The following NEO1 variants were observed in gnomAD, a reference collection of about 807,000 sequenced individuals.
NEO1 encodes neogenin.
A neutral mutation model predicts 159.7 loss-of-function variants in NEO1; 63 were observed. That is an observed-to-expected ratio of 0.39 (90% CI 0.32 to 0.49). The LOEUF is 0.49. NEO1 is among the 20% of genes least tolerant of loss of function. The probability of loss-of-function intolerance (pLI) is 0.85; values close to 1 mark genes in which losing one functional copy is unlikely to be tolerated. For synonymous variants in NEO1, 633 were observed against 662.0 expected (o/e 0.96, Z 0.67); for missense variants, 1,615 against 1,831.0 (o/e 0.88, Z 2.15).
At chr15:73,176,866 G>C (rs1294217339) in intron 6 of NEO1, among the ~76,000 whole-genome samples, 1 of 152,014 alleles carries the variant, frequency 6.6e-6, no homozygotes, top group South Asian at 2.1e-4. Context: ...TAGCACACAT[G>C]TGTGTGCGTG....
intron 5 of NEO1, among the ~76,000 whole-genome samples, chr15:73,143,085 G>T (rs1313215086): frequency 6.6e-6 from 1 of 152,200 alleles, no homozygotes; most frequent in Non-Finnish European, 1.5e-5. Flanking sequence ...GTGACAGAAC[G>T]CATTCAGTCA....
intron 16 of NEO1, among the ~76,000 whole-genome samples, chr15:73,269,501 C>G (rs2041069261): frequency 1.3e-5 from 2 of 152,102 alleles, no homozygotes; most frequent in Non-Finnish European, 2.9e-5. Context: ...GCTGGGACCC[C>G]AGGCACCTGC....
rs577731912 is a variant in NEO1, at chr15:73,299,063, A to G, written c.4165+452A>G. Reference sequence around the variant, plus strand: ...AGGGAAAGGAATCCTGTGAAGGGAAAGTCATTTACCCAAATCCACACAGCT... The same window carrying G: ...AGGGAAAGGAATCCTGTGAAGGGAAGGTCATTTACCCAAATCCACACAGCT... On this transcript the variant is annotated intron_variant, in intron 27 of 28. Coordinates refer to ENST00000261908, the MANE Select transcript of NEO1 (RefSeq NM_002499.4). Among the ~76,000 whole-genome samples the G allele has an allele frequency of 2.0e-5, 3 of 152,310 alleles. No homozygotes were observed. In the South Asian group the frequency reaches 6.2e-4, roughly 32 times the overall value.
chr15:73,176,560 A>G lies in NEO1; in HGVS notation c.1170+3A>G, dbSNP rs774693358. 2 of 1,603,160 alleles carry G rather than the reference A, an allele frequency of 1.2e-6. No homozygotes were observed. Among genetic ancestry groups the G allele is most frequent in the East Asian group, 2.2e-5 (1 of 44,614 alleles). On this transcript the variant is annotated splice_donor_region_variant and intron_variant, in intron 6 of 28. Transcript: ENST00000261908. ...CAAGTGATTATTTTAAGATTGTAGT[A>G]AGTATTTTTCAAAGAAGTGTGTTTA...
At chr15:73,063,349 A>G (rs1408363819) in intron 1 of NEO1, among the ~76,000 whole-genome samples, 2 of 152,146 alleles carry the variant, frequency 1.3e-5, no homozygotes, top group African/African-American at 2.4e-5. Flanking sequence ...GTCCCTGCTT[A>G]GAACAAAGCC....
chr15:73,164,081 G>A (rs1431078017), intron 5 of NEO1, among the ~76,000 whole-genome samples: 4 of 149,568 alleles, frequency 2.7e-5, no homozygotes, highest in Non-Finnish European at 5.9e-5. Flanking sequence ...AGGCTGGAGT[G>A]CAGTGGTGCA....
chr15:73,191,174 C>T (rs1189762009), intron 7 of NEO1, among the ~76,000 whole-genome samples: 1 of 152,018 alleles, frequency 6.6e-6, no homozygotes, highest in African/African-American at 2.4e-5. Flanking sequence ...ATTAATGTCC[C>T]AGTCCCACTG....
chr15:73,279,151 A>T (rs894003710), intron 22 of NEO1, among the ~76,000 whole-genome samples: 4 of 152,048 alleles, frequency 2.6e-5, no homozygotes, highest in Admixed American at 2.6e-4. Flanking sequence ...AACCAGACAA[A>T]CTTAACATCC....
intron 7 of NEO1, among the ~76,000 whole-genome samples, chr15:73,196,844 T>C (rs1027556175): frequency 6.6e-6 from 1 of 152,220 alleles, no homozygotes; most frequent in Non-Finnish European, 1.5e-5. Flanking sequence ...TATAATTCTC[T>C]TACTTCGGCA....
chr15:73,100,408 C>T (rs1216247074), intron 1 of NEO1, among the ~76,000 whole-genome samples: 3 of 151,528 alleles, frequency 2.0e-5, no homozygotes, highest in African/African-American at 2.4e-5. Flanking sequence ...AATCTCTACT[C>T]ACTGCACCCT....
chr15:73,219,944 G>A (rs891627018), intron 7 of NEO1, among the ~76,000 whole-genome samples: 7 of 151,782 alleles, frequency 4.6e-5, no homozygotes, highest in African/African-American at 1.5e-4. Context: ...ATATTGTTAT[G>A]TGTGAATTTG....
chr15:73,086,390 A>G (rs2069360108), intron 1 of NEO1, among the ~76,000 whole-genome samples: 1 of 151,916 alleles, frequency 6.6e-6, no homozygotes, highest in Admixed American at 6.6e-5. Context: ...TTCTTTTCTG[A>G]AATTGTTTAG....
intron 28 of NEO1, 96 bp from the exon 29 acceptor site, chr15:73,302,517 G>C: frequency 8.9e-7 from 1 of 1,118,992 alleles, no homozygotes; most frequent in Non-Finnish European, 1.3e-6. Flanking sequence ...GGGGCCATTT[G>C]ACTACTGACC....
chr15:73,165,347 C>A (rs994864042), intron 5 of NEO1, among the ~76,000 whole-genome samples: 25 of 152,142 alleles, frequency 1.6e-4, no homozygotes, highest in Non-Finnish European at 2.9e-4. Context: ...ACCTTTTATA[C>A]TGAGTACTTT....
At chr15:73,085,094 A>T (rs12916928) in intron 1 of NEO1, among the ~76,000 whole-genome samples, 61,024 of 151,884 alleles carry the variant, frequency 0.4, 14,223 homozygotes, top group Middle Eastern at 0.52. Context: ...CAGTTAAAAA[A>T]GTTTTTTTTT....
intron 7 of NEO1, among the ~76,000 whole-genome samples, chr15:73,205,610 T>C (rs1317063060): frequency 6.6e-6 from 1 of 152,128 alleles, no homozygotes; most frequent in Non-Finnish European, 1.5e-5. Flanking sequence ...ACTCAACCTC[T>C]AGCAATTTGT....
At chr15:73,064,728 A>G (rs2068130264) in intron 1 of NEO1, among the ~76,000 whole-genome samples, 1 of 152,084 alleles carries the variant, frequency 6.6e-6, no homozygotes, top group South Asian at 2.1e-4. Flanking sequence ...TGGCCCCCCA[A>G]AGTGCTGGGA....
intron 1 of NEO1, among the ~76,000 whole-genome samples, chr15:73,112,693 G>T (rs1371867259): frequency 6.6e-6 from 1 of 151,994 alleles, no homozygotes; most frequent in African/African-American, 2.4e-5. Context: ...CACAGACCCT[G>T]GTTCTGTGAT....
intron 13 of NEO1, among the ~76,000 whole-genome samples, chr15:73,257,780 G>C (rs947771478): frequency 6.6e-6 from 1 of 152,242 alleles, no homozygotes; most frequent in East Asian, 1.9e-4. Context: ...CCAAAGGACA[G>C]GGAATGATTG....
Sources: gnomAD v4.1 joint callset for allele counts (sites outside exome capture counted in the v4.1 genomes callset) on GRCh38, gnomAD v4.1.1 for gene constraint, MANE v1.5 for transcripts, NCBI Gene and HGNC (gene_info 2026-07-23, HGNC 2026-07-21) for gene names.